The following DCP2 variants were observed in gnomAD, a reference collection of about 807,000 sequenced individuals.
The protein encoded by DCP2 is m7GpppN-mRNA hydrolase.
In DCP2, 30 loss-of-function variants were observed where a neutral mutation model predicts 56.1. The ratio of observed to expected loss-of-function variants is 0.53; its 90% confidence interval spans 0.40 to 0.73. The LOEUF (loss-of-function observed/expected upper bound fraction) is 0.73. Among genes scored for constraint, DCP2 ranks in the 30% least tolerant of loss-of-function variants. The pLI, the probability that DCP2 is intolerant of heterozygous loss-of-function variation, is 0.00. For synonymous variants in DCP2, 197 were observed against 163.3 expected (o/e 1.21, Z -1.57); for missense variants, 533 against 502.7 (o/e 1.06, Z -0.58).
At chr5:113,008,240 A>C (rs1749531105) in intron 9 of DCP2, 198 bp downstream of exon 9, 1 of 456,128 alleles carries the variant, frequency 2.2e-6, no homozygotes, top group African/African-American at 2.0e-5. Context: ...TATAATGTTG[A>C]TGCAATTGTA....
rs1749875375 is a variant in DCP2, at chr5:113,016,117, T to C, written c.*2633T>C. On this transcript the variant is annotated 3_prime_UTR_variant, in exon 11 of 11. Transcript: ENST00000389063. ...AAAAATTTGTAGGTGCTTTTATGTA[T>C]AACTTTAATGATTTATAAGATGCTA... 1 of 152,670 alleles carries C rather than the reference T, an allele frequency of 6.6e-6. No homozygotes were observed. Among genetic ancestry groups the C allele is most frequent in the Non-Finnish European group, 1.5e-5 (1 of 68,034 alleles). The allele number at this position is 152,670 out of a possible 1,614,324, so 9.5% of individuals were successfully genotyped here. A position where few individuals can be genotyped will look rare whatever the true frequency, so the allele number is the denominator to read the frequency against.
At chr5:112,995,160 G>A (rs994658221) in intron 4 of DCP2, among the ~76,000 whole-genome samples, 1 of 152,158 alleles carries the variant, frequency 6.6e-6, no homozygotes, top group African/African-American at 2.4e-5. Flanking sequence ...GGAACAGCTT[G>A]CCCAAGCTAT....
chr5:113,007,983 C>T lies in DCP2; in HGVS notation c.988C>T (p.Pro330Ser). 6.2e-7 allele frequency: 1 copy of T among 1,613,870 alleles called. No individual in the cohort carries two copies. The highest frequency in any genetic ancestry group is 1.3e-5 in the African/African-American group (1 of 75,010). The change falls in exon 9 of 11, where the codon CCT (proline) becomes TCT (serine). Residue 330 changes from proline to serine, a missense_variant. Pro to Ser is a moderately conservative substitution (Grantham distance 74, BLOSUM62 -1). Transcript: ENST00000389063. ...GNGRKQYQDS[P>S]NQKKRTNGLQ... The stretch of plus-strand genomic sequence containing the variant: ...TGGCAGAAAACAGTATCAAGATTCA[C>T]CTAATCAAAAGAAAAGAACAAATGG...
intron 2 of DCP2, among the ~76,000 whole-genome samples, chr5:112,990,187 A>G (rs550835469): frequency 6.6e-6 from 1 of 152,292 alleles, no homozygotes; most frequent in Non-Finnish European, 1.5e-5. Context: ...GGGATATTGC[A>G]GTAGAGAAGA....
At position 113,020,916 on chromosome 5, in the gene DCP2, T is replaced by G. The variant is rs928337807; in HGVS notation, c.*7432T>G. ...TAAAAACATCATTGTGTTAGATTGT[T>G]TGTAATGTACTATCAATAAAATTGG... On this transcript the variant is annotated 3_prime_UTR_variant, in exon 11 of 11. Coordinates refer to ENST00000389063, the MANE Select transcript of DCP2 (RefSeq NM_152624.6). The G allele has an allele frequency of 6.6e-6, 1 of 152,186 alleles. No homozygotes were observed. Among genetic ancestry groups the G allele is most frequent in the African/African-American group, 2.4e-5 (1 of 41,450 alleles). 9.4% of individuals were successfully genotyped at this position (152,186 alleles called of 1,614,324 possible).
chr5:112,988,942 C>T (rs997877454), intron 2 of DCP2, among the ~76,000 whole-genome samples: 1 of 152,158 alleles, frequency 6.6e-6, no homozygotes, highest in South Asian at 2.1e-4. Context: ...CCTGCTATTA[C>T]AAAACACCAA....
At chr5:113,002,146 GGGACA>G (rs1333412699) in intron 7 of DCP2, among the ~76,000 whole-genome samples, 3 of 152,192 alleles carry the variant, frequency 2.0e-5, no homozygotes, top group African/African-American at 7.2e-5. Context: ...TTCCCAGCAA[GGGACA>G]GTGGCTCACG....
rs1485530537 is a variant in DCP2 at position 113,013,870 on chromosome 5, T to C, written c.*386T>C. The stretch of plus-strand genomic sequence containing the variant: ...TTGCAATAATAGTATATTGGAGTTT[T>C]TCAAAGAAACTTAAAGTAATGCCCA... On this transcript the variant is annotated 3_prime_UTR_variant, in exon 11 of 11. Coordinates refer to ENST00000389063, the MANE Select transcript of DCP2 (RefSeq NM_152624.6). 1.3e-5 allele frequency: 2 copies of C among 158,090 alleles called. No individual in the cohort carries two copies. The highest frequency in any genetic ancestry group is 2.8e-5 in the Non-Finnish European group (2 of 71,992). The allele number at this position is 158,090 out of a possible 1,614,324, so 9.8% of individuals were successfully genotyped here. A position where few individuals can be genotyped will look rare whatever the true frequency, so the allele number is the denominator to read the frequency against.
chr5:113,007,197 C>G (rs1749479205), intron 8 of DCP2, among the ~76,000 whole-genome samples: 1 of 151,842 alleles, frequency 6.6e-6, no homozygotes, highest in African/African-American at 2.4e-5. Context: ...AAAATTAATA[C>G]TGCTTATTAA....
chr5:113,018,580 C>A lies in DCP2; in HGVS notation c.*5096C>A, dbSNP rs915347754. 3 of 152,124 alleles carry A rather than the reference C, an allele frequency of 2.0e-5. No individual in the cohort carries two copies. Among genetic ancestry groups the A allele is most frequent in the South Asian group, 2.1e-4 (1 of 4,830 alleles). The allele number at this position is 152,124 out of a possible 1,614,324, so 9.4% of individuals were successfully genotyped here. On this transcript the variant is annotated 3_prime_UTR_variant, in exon 11 of 11. Transcript: ENST00000389063. ...ACCCTAACCTTTAGTAGACTTCAGT[C>A]TTTTAGTCCAGTAGAAGACAATGGC... is the stretch of plus-strand genomic sequence containing the variant.
intron 4 of DCP2, among the ~76,000 whole-genome samples, chr5:113,000,507 CTT>C (rs1396206215): frequency 6.6e-6 from 1 of 152,000 alleles, no homozygotes; most frequent in Non-Finnish European, 1.5e-5. Flanking sequence ...GATAGGTAAA[CTT>C]TTAAGTAAAC....
intron 1 of DCP2, chr5:112,984,686 TAAAAAAAAAAA>T (rs60727810): frequency 3.4e-5 from 3 of 89,486 alleles, no homozygotes; most frequent in Admixed American, 1.2e-4. Context: ...ATTTCTTAAT[TAAAAAAAAAAA>T]AAAAAAATAT....
chr5:112,992,399 A>G (rs756360083), intron 3 of DCP2, 151 bp downstream of exon 3: 6 of 1,119,328 alleles, frequency 5.4e-6, no homozygotes, highest in Non-Finnish European at 7.4e-6. Flanking sequence ...TTTTATCCGC[A>G]TGCTATGTCT....
intron 10 of DCP2, among the ~76,000 whole-genome samples, chr5:113,012,635 TTTC>T (rs1230185119): frequency 6.6e-6 from 1 of 152,190 alleles, no homozygotes; most frequent in African/African-American, 2.4e-5. Context: ...TTTTCTTTTT[TTTC>T]TTATTTTTTT....
In DCP2 at chr5:113,015,696, A is replaced by T. The variant is rs1162305814; in HGVS notation, c.*2212A>T. 3 of 152,652 alleles carry T rather than the reference A, an allele frequency of 2.0e-5. No individual in the cohort carries two copies. The highest frequency in any genetic ancestry group is 4.4e-5 in the Non-Finnish European group (3 of 68,038). The allele number at this position is 152,652 out of a possible 1,614,324, so 9.5% of individuals were successfully genotyped here. A position where few individuals can be genotyped will look rare whatever the true frequency, so the allele number is the denominator to read the frequency against. On this transcript the variant is annotated 3_prime_UTR_variant, in exon 11 of 11. Coordinates refer to ENST00000389063, the MANE Select transcript of DCP2 (RefSeq NM_152624.6). ...TGTTAAAAGATGTGAGTTAAAGTTT[A>T]TGTGTGTGATGTGACTTAACTATGC...
chr5:113,004,240 T>C (rs879068765), intron 8 of DCP2, among the ~76,000 whole-genome samples, 163 bp downstream of exon 8: 1 of 152,236 alleles, frequency 6.6e-6, no homozygotes, highest in African/African-American at 2.4e-5. Context: ...TGAGGCTTCT[T>C]AATGTTTACA....
At chr5:112,983,638 C>G (rs1041408082) in intron 1 of DCP2, among the ~76,000 whole-genome samples, 3 of 151,860 alleles carry the variant, frequency 2.0e-5, no homozygotes, top group Admixed American at 6.6e-5. Flanking sequence ...CAAAAATAGA[C>G]ACTGCAAAAT....
At chr5:113,010,027 C>G (rs560608573) in intron 9 of DCP2, among the ~76,000 whole-genome samples, 1 of 145,884 alleles carries the variant, frequency 6.9e-6, no homozygotes, top group Non-Finnish European at 1.5e-5. Context: ...ATTTTCTTGC[C>G]TCAGCTCTTT....
intron 4 of DCP2, among the ~76,000 whole-genome samples, chr5:113,000,080 A>G (rs1020326071): frequency 1.1e-3 from 168 of 150,502 alleles, no homozygotes; most frequent in Admixed American, 3.5e-3. Context: ...AAAAAAAAAA[A>G]AAGAAGAAGA....
Sources: allele counts gnomAD v4.1 joint callset (sites outside exome capture counted in the v4.1 genomes callset), GRCh38; gene constraint gnomAD v4.1.1; transcripts MANE v1.5; gene names NCBI Gene and HGNC (gene_info 2026-07-23, HGNC 2026-07-21).